Variants in PLCB1 observed in about 807,000 individuals in gnomAD.
PLCB1 encodes the protein phospholipase C beta 1, also known as 1-phosphatidylinositol 4,5-bisphosphate phosphodiesterase beta-1.
A neutral mutation model predicts 161.8 loss-of-function variants in PLCB1; 46 were observed. The ratio of observed to expected loss-of-function variants is 0.28; its 90% CI spans 0.22 to 0.36. The LOEUF (loss-of-function observed/expected upper bound fraction) is 0.36. Among genes scored for constraint, PLCB1 ranks in the 10% least tolerant of loss-of-function variants. PLCB1 has a pLI of 1.00. For synonymous variants in PLCB1, 517 were observed against 503.7 expected (o/e 1.03, Z -0.35); for missense variants, 1,016 against 1,472.5 (o/e 0.69, Z 5.07).
intron 3 of PLCB1, among the ~76,000 whole-genome samples, chr20:8,552,410 C>T (rs923766425): frequency 6.6e-6 from 1 of 152,044 alleles, no homozygotes; most frequent in Non-Finnish European, 1.5e-5. Context: ...GGTAGATTTG[C>T]AGGGAAGTGG....
At chr20:8,644,719 C>A (rs964071072) in intron 4 of PLCB1, among the ~76,000 whole-genome samples, 65 of 150,232 alleles carry the variant, frequency 4.3e-4, no homozygotes, top group Admixed American at 7.9e-4. Context: ...GGTCAGCCCC[C>A]CGCCCTGCCA....
intron 31 of PLCB1, 87 bp from the exon 32 acceptor site, chr20:8,881,535 T>C (rs1214582124): frequency 6.3e-6 from 6 of 957,566 alleles, no homozygotes; most frequent in Non-Finnish European, 9.9e-6. Context: ...TCAGCCCCTT[T>C]TGTATATCTC....
chr20:8,496,170 C>T (rs1459247808), intron 3 of PLCB1, among the ~76,000 whole-genome samples: 2 of 152,216 alleles, frequency 1.3e-5, no homozygotes, highest in South Asian at 4.2e-4. Flanking sequence ...ATGTCCCAGA[C>T]TTATAATTTA....
intron 11 of PLCB1, among the ~76,000 whole-genome samples, chr20:8,705,485 A>G (rs1369674852): frequency 6.6e-6 from 1 of 152,242 alleles, no homozygotes; most frequent in Non-Finnish European, 1.5e-5. Flanking sequence ...AAGATAGATC[A>G]AAATAAACAC....
intron 9 of PLCB1, among the ~76,000 whole-genome samples, chr20:8,681,982 T>G (rs1169777255): frequency 6.6e-6 from 1 of 152,162 alleles, no homozygotes; most frequent in Non-Finnish European, 1.5e-5. Flanking sequence ...CATTCAGCTT[T>G]TAAAGGTGCT....
intron 23 of PLCB1, among the ~76,000 whole-genome samples, chr20:8,747,100 C>G (rs1304440296): frequency 6.4e-4 from 97 of 152,324 alleles, no homozygotes; most frequent in Non-Finnish European, 2.1e-4. Context: ...TAGCAGGTTA[C>G]CTGAATGAGT....
intron 2 of PLCB1, among the ~76,000 whole-genome samples, chr20:8,226,607 A>G (rs10485722): frequency 0.039 from 5,995 of 152,248 alleles, 154 homozygotes; most frequent in Non-Finnish European, 0.057. Context: ...GAATTGACGC[A>G]ATGACTTCCT....
At chr20:8,715,881 A>G (rs543493656) in intron 12 of PLCB1, 1 of 180,852 alleles carries the variant, frequency 5.5e-6, no homozygotes, top group Non-Finnish European at 1.2e-5. Context: ...TCACTTGATA[A>G]TTTACATGGA....
At chr20:8,454,093 C>A (rs940358051) in intron 3 of PLCB1, among the ~76,000 whole-genome samples, 1 of 152,132 alleles carries the variant, frequency 6.6e-6, no homozygotes, top group South Asian at 2.1e-4. Flanking sequence ...CCTGAAGGCA[C>A]CTTGGTCTTG....
At chr20:8,839,220 C>T (rs748134126) in intron 31 of PLCB1, among the ~76,000 whole-genome samples, 1 of 152,118 alleles carries the variant, frequency 6.6e-6, no homozygotes, top group Non-Finnish European at 1.5e-5. Context: ...AGTCCAGTGG[C>T]GTGGGACATG....
At chr20:8,483,867 AAT>A (rs1320970981) in intron 3 of PLCB1, among the ~76,000 whole-genome samples, 1 of 152,216 alleles carries the variant, frequency 6.6e-6, no homozygotes, top group African/African-American at 2.4e-5. Context: ...ATAATGATAA[AAT>A]AAATGTTGGT....
chr20:8,550,612 C>T (rs969179768), intron 3 of PLCB1, among the ~76,000 whole-genome samples: 20 of 152,140 alleles, frequency 1.3e-4, no homozygotes, highest in African/African-American at 4.8e-4. Context: ...GGTATTTCTT[C>T]ATAGCAGCAT....
At chr20:8,799,632 A>T (rs1047698159) in intron 31 of PLCB1, among the ~76,000 whole-genome samples, 1 of 152,224 alleles carries the variant, frequency 6.6e-6, no homozygotes, top group Non-Finnish European at 1.5e-5. Context: ...AGAAACCAAT[A>T]GCTGATTTAA....
intron 31 of PLCB1, among the ~76,000 whole-genome samples, chr20:8,832,820 G>A (rs1461479643): frequency 6.6e-6 from 1 of 152,186 alleles, no homozygotes; most frequent in African/African-American, 2.4e-5. Flanking sequence ...ATTAGTTTGA[G>A]TCCTTAGGGA....
chr20:8,603,568 C>G (rs1987664433), intron 3 of PLCB1, among the ~76,000 whole-genome samples: 2 of 152,204 alleles, frequency 1.3e-5, no homozygotes, highest in Non-Finnish European at 2.9e-5. Flanking sequence ...TTCTCTCAGT[C>G]CCTAGACCAG....
intron 31 of PLCB1, among the ~76,000 whole-genome samples, chr20:8,834,940 T>G (rs1473232362): frequency 1.3e-5 from 2 of 151,996 alleles, no homozygotes; most frequent in East Asian, 3.9e-4. Flanking sequence ...TTTGTTCTAT[T>G]CAGACCTTCA....
chr20:8,652,402 A>G, intron 7 of PLCB1: 1 of 152,162 alleles, frequency 6.6e-6, no homozygotes. Flanking sequence ...TCTAAAAACC[A>G]AAGACTGTTT....
At chr20:8,528,951 C>T (rs1984690332) in intron 3 of PLCB1, among the ~76,000 whole-genome samples, 1 of 151,790 alleles carries the variant, frequency 6.6e-6, no homozygotes, top group African/African-American at 2.4e-5. Flanking sequence ...CATAATGCTT[C>T]AACAGTGAAA....
intron 31 of PLCB1, among the ~76,000 whole-genome samples, chr20:8,843,556 G>A (rs995208303): frequency 6.6e-6 from 1 of 151,810 alleles, no homozygotes; most frequent in Non-Finnish European, 1.5e-5. Context: ...TTATTTGTGT[G>A]TTCATTTTTA....
Sources: gnomAD v4.1 joint callset for allele counts (sites outside exome capture counted in the v4.1 genomes callset) on GRCh38, gnomAD v4.1.1 for gene constraint, MANE v1.5 for transcripts, NCBI Gene and HGNC (gene_info 2026-07-23, HGNC 2026-07-21) for gene names.